CHL1: variants seen among roughly 807,000 people sequenced by gnomAD.
CHL1 encodes the protein neural cell adhesion molecule L1-like protein.
In CHL1, 96 loss-of-function variants were observed where a neutral mutation model predicts 141.9. That is an observed-to-expected ratio of 0.68 (90% CI 0.57 to 0.80). CHL1 has a LOEUF of 0.80. Among genes scored for constraint, CHL1 ranks in the 30% least tolerant of loss-of-function variants. The pLI is 0.00. For synonymous variants in CHL1, 613 were observed against 502.2 expected (o/e 1.22, Z -2.95); for missense variants, 1,820 against 1,457.2 (o/e 1.25, Z -4.05).
chr3:387,530 G>A (rs1028691644), intron 19 of CHL1, among the ~76,000 whole-genome samples: 1 of 152,062 alleles, frequency 6.6e-6, no homozygotes, highest in Non-Finnish European at 1.5e-5. Context: ...AAAGTGTTAT[G>A]GTTTATTATT....
intron 15 of CHL1, 116 bp from the exon 16 acceptor site, chr3:377,702 A>G: frequency 2.3e-6 from 2 of 871,214 alleles, no homozygotes. Context: ...CATTGCATAA[A>G]GTCATCTTTC....
intron 2 of CHL1, among the ~76,000 whole-genome samples, chr3:250,786 C>T (rs1474795574): frequency 6.6e-6 from 1 of 152,060 alleles, no homozygotes. Context: ...ACATTTTAAA[C>T]CTGTGCCATG....
intron 1 of CHL1, among the ~76,000 whole-genome samples, chr3:201,180 G>A (rs1698897977): frequency 6.6e-6 from 1 of 152,138 alleles, no homozygotes; most frequent in African/African-American, 2.4e-5. Flanking sequence ...TAGAGCTGTG[G>A]TTGCTTGGCA....
intron 23 of CHL1, among the ~76,000 whole-genome samples, chr3:394,177 T>C (rs1208743677): frequency 4.6e-5 from 7 of 152,228 alleles, no homozygotes; most frequent in Non-Finnish European, 1.0e-4. Flanking sequence ...ATATTTAATA[T>C]ATTCCTTCAT....
At position 406,379 on chromosome 3, in the gene CHL1, C is replaced by T. The variant is rs932202630; in HGVS notation, c.*668C>T. On this transcript the variant is annotated 3_prime_UTR_variant, in exon 28 of 28. Coordinates refer to ENST00000256509, the MANE Select transcript of CHL1 (RefSeq NM_006614.4). The stretch of plus-strand genomic sequence containing the variant: ...TTATTTCTGTCAGTTATGACATCCA[C>T]AAGCATCACTTTTTGTGTCTGTTTT... 7.1e-6 allele frequency: 1 copy of T among 141,480 alleles called. No homozygotes were observed. The highest frequency in any genetic ancestry group is 2.3e-4 in the South Asian group (1 of 4,264). The allele number at this position is 141,480 out of a possible 1,614,324, so 8.8% of individuals were successfully genotyped here.
intron 2 of CHL1, among the ~76,000 whole-genome samples, chr3:257,979 TC>T (rs1404212964): frequency 2.0e-5 from 3 of 152,164 alleles, no homozygotes; most frequent in Non-Finnish European, 2.9e-5. Flanking sequence ...CTTGAATGGC[TC>T]CGGAAGAGGC....
intron 8 of CHL1, 131 bp from the exon 9 acceptor site, chr3:344,458 G>C (rs1702592417): frequency 2.0e-6 from 1 of 489,180 alleles, no homozygotes; most frequent in African/African-American, 2.7e-5. Context: ...TATGTGAAAT[G>C]TGTATAGAAC....
intron 2 of CHL1, among the ~76,000 whole-genome samples, chr3:281,025 C>G (rs1431336040): frequency 6.6e-6 from 1 of 151,960 alleles, no homozygotes; most frequent in Non-Finnish European, 1.5e-5. Context: ...ATTTTTTTCC[C>G]CTAGGGGACA....
chr3:255,254 T>C (rs1694048664), intron 2 of CHL1, among the ~76,000 whole-genome samples: 1 of 152,218 alleles, frequency 6.6e-6, no homozygotes, highest in Non-Finnish European at 1.5e-5. Context: ...TGTTTGTAGT[T>C]AAAAAGTCTC....
chr3:337,254 A>ATGTG (rs2125122455), intron 5 of CHL1, among the ~76,000 whole-genome samples: 1 of 142,728 alleles, frequency 7.0e-6, no homozygotes, highest in South Asian at 2.2e-4. Context: ...GCAGTGGCAC[A>ATGTG]ATCTCTGCTC....
At chr3:338,922 G>C (rs998371315) in intron 5 of CHL1, among the ~76,000 whole-genome samples, 2 of 152,140 alleles carry the variant, frequency 1.3e-5, no homozygotes, top group African/African-American at 4.8e-5. Flanking sequence ...CTCTCAGGGA[G>C]CAGCTCTCCA....
chr3:250,915 G>A (rs1343408891), intron 2 of CHL1, among the ~76,000 whole-genome samples: 2 of 152,112 alleles, frequency 1.3e-5, no homozygotes, highest in African/African-American at 2.4e-5. Context: ...TTTATTCAAC[G>A]ATTGTTTTTG....
At chr3:319,528 C>T (rs1255148296) in intron 2 of CHL1, among the ~76,000 whole-genome samples, 155 bp from the exon 3 acceptor site, 5 of 141,810 alleles carry the variant, frequency 3.5e-5, no homozygotes, top group Non-Finnish European at 6.0e-5. Flanking sequence ...AGAGGAAAAA[C>T]TAATTTCATT....
chr3:264,942 A>G (rs1290986175), intron 2 of CHL1, among the ~76,000 whole-genome samples: 1 of 152,210 alleles, frequency 6.6e-6, no homozygotes, highest in Non-Finnish European at 1.5e-5. Context: ...ACTACAGGAG[A>G]GCCACAGCCC....
At chr3:296,026 C>T (rs146538614) in intron 2 of CHL1, among the ~76,000 whole-genome samples, 150 of 152,228 alleles carry the variant, frequency 9.9e-4, no homozygotes, top group African/African-American at 2.3e-3. Flanking sequence ...CCTGTAATTC[C>T]ATCCTAACTA....
At chr3:294,510 C>T (rs1698003384) in intron 2 of CHL1, among the ~76,000 whole-genome samples, 1 of 152,186 alleles carries the variant, frequency 6.6e-6, no homozygotes, top group African/African-American at 2.4e-5. Flanking sequence ...TAACCACAAA[C>T]AGGTTATACC....
At chr3:218,218 G>T (rs542931026) in intron 1 of CHL1, among the ~76,000 whole-genome samples, 8 of 152,288 alleles carry the variant, frequency 5.3e-5, no homozygotes, top group African/African-American at 1.7e-4. Flanking sequence ...TGAGCTTCTG[G>T]ATTGGATGAG....
chr3:311,596 T>C (rs2124985495), intron 2 of CHL1, among the ~76,000 whole-genome samples: 1 of 152,288 alleles, frequency 6.6e-6, no homozygotes, highest in Non-Finnish European at 1.5e-5. Context: ...GATAGCACCT[T>C]GGTTGTAATC....
chr3:253,154 A>G (rs182461757), intron 2 of CHL1, among the ~76,000 whole-genome samples: 121 of 152,256 alleles, frequency 7.9e-4, no homozygotes, highest in Non-Finnish European at 1.4e-3. Context: ...TTTTTAATAG[A>G]CACATTTCTA....
Sources: gnomAD v4.1 joint callset for allele counts (sites outside exome capture counted in the v4.1 genomes callset) on GRCh38, gnomAD v4.1.1 for gene constraint, MANE v1.5 for transcripts, NCBI Gene and HGNC (gene_info 2026-07-23, HGNC 2026-07-21) for gene names.